POSTN: variants seen among roughly 807,000 people sequenced by gnomAD.
POSTN encodes osteoblast specific factor 2 (fasciclin I-like).
In POSTN, 71 loss-of-function variants were observed where a neutral mutation model predicts 104.5. That is an observed-to-expected ratio of 0.68 (90% CI 0.56 to 0.83). The LOEUF is 0.83. Among genes scored for constraint, POSTN ranks in the 40% least tolerant of loss-of-function variants. The pLI is 0.00. For missense variants in POSTN, 949 were observed against 1,006.8 expected (o/e 0.94, Z 0.78); for synonymous variants, 355 against 340.7 (o/e 1.04, Z -0.46).
chr13:37,570,517 G>T, intron 19 of POSTN, 63 bp downstream of exon 19: 1 of 1,039,298 alleles, frequency 9.6e-7, no homozygotes, highest in Non-Finnish European at 1.5e-6. Context: ...TTATATTTGG[G>T]GATTAACTAT....
intron 3 of POSTN, among the ~76,000 whole-genome samples, chr13:37,591,887 G>A (rs1282016825): frequency 6.6e-6 from 1 of 152,068 alleles, no homozygotes; most frequent in Admixed American, 6.5e-5. Flanking sequence ...TTGTGACTAA[G>A]TTTCTGTTGT....
intron 10 of POSTN, among the ~76,000 whole-genome samples, chr13:37,581,755 T>A (rs948676559): frequency 6.6e-6 from 1 of 152,094 alleles, no homozygotes; most frequent in East Asian, 1.9e-4. Flanking sequence ...AAACCCTTTT[T>A]TAGAGTCCAG....
intron 3 of POSTN, among the ~76,000 whole-genome samples, chr13:37,591,727 T>C (rs1950940081): frequency 6.6e-6 from 1 of 152,102 alleles, no homozygotes. Flanking sequence ...AAACCAAATT[T>C]CAATATAAAG....
At chr13:37,592,298 ATTTTTTC>A (rs1950959731) in intron 2 of POSTN, 134 bp from the exon 3 acceptor site, 2 of 622,784 alleles carry the variant, frequency 3.2e-6, no homozygotes, top group African/African-American at 3.8e-5. Flanking sequence ...TTCCCCCCTG[ATTTTTTC>A]TTTTTTCTTT....
At chr13:37,580,855 C>T (rs567212894) in intron 10 of POSTN, among the ~76,000 whole-genome samples, 158 bp from the exon 11 acceptor site, 1 of 152,260 alleles carries the variant, frequency 6.6e-6, no homozygotes, top group East Asian at 1.9e-4. Context: ...TTCAATGGCT[C>T]ACACAAACTC....
intron 2 of POSTN, among the ~76,000 whole-genome samples, chr13:37,593,422 A>T (rs763141791): frequency 4.0e-5 from 6 of 151,416 alleles, no homozygotes; most frequent in Non-Finnish European, 7.4e-5. Flanking sequence ...ATAGTTACTT[A>T]TGTTTCCTTT....
At chr13:37,570,162 A>C (rs1402447538) in intron 19 of POSTN, among the ~76,000 whole-genome samples, 1 of 151,836 alleles carries the variant, frequency 6.6e-6, no homozygotes, top group East Asian at 1.9e-4. Context: ...TATGAGGTTT[A>C]CTGAAAATAT....
At chr13:37,587,273 C>A (rs1267912872) in intron 5 of POSTN, among the ~76,000 whole-genome samples, 1 of 152,070 alleles carries the variant, frequency 6.6e-6, no homozygotes, top group African/African-American at 2.4e-5. Flanking sequence ...GAAGTCTAAT[C>A]AGTCCTAAAA....
At chr13:37,586,360 C>A in intron 6 of POSTN, 80 bp from the exon 7 acceptor site, 1 of 1,416,294 alleles carries the variant, frequency 7.1e-7, no homozygotes, top group South Asian at 1.4e-5. Context: ...CCTAGGCTGA[C>A]ATGAAGGAGC....
At chr13:37,569,474 T>C (rs1193353688) in intron 20 of POSTN, 91 bp from the exon 21 acceptor site, 8 of 1,039,110 alleles carry the variant, frequency 7.7e-6, no homozygotes, top group Non-Finnish European at 1.2e-5. Flanking sequence ...ATCTGCCCAA[T>C]AATGAATTCC....
chr13:37,576,900 A>G (rs2138236398), intron 16 of POSTN, among the ~76,000 whole-genome samples: 1 of 152,138 alleles, frequency 6.6e-6, no homozygotes, highest in African/African-American at 2.4e-5. Context: ...ATCTTAAGGG[A>G]AATTTTCTTA....
intron 16 of POSTN, 95 bp downstream of exon 16, chr13:37,577,658 C>A: frequency 6.8e-7 from 1 of 1,466,810 alleles, no homozygotes; most frequent in Non-Finnish European, 9.1e-7. Context: ...TTCTAAATAC[C>A]AGATTATCAA....
intron 4 of POSTN, among the ~76,000 whole-genome samples, chr13:37,588,438 C>G (rs563210259): frequency 6.6e-6 from 1 of 152,242 alleles, no homozygotes; most frequent in Non-Finnish European, 1.5e-5. Flanking sequence ...TTTTATCTAT[C>G]CAACACTATG....
At chr13:37,573,648 T>A (rs1461359887) in intron 17 of POSTN, among the ~76,000 whole-genome samples, 1 of 151,568 alleles carries the variant, frequency 6.6e-6, no homozygotes, top group Non-Finnish European at 1.5e-5. Context: ...TCCCAAAGAT[T>A]CCATCAAAGA....
At chr13:37,580,089 G>A in intron 11 of POSTN, 98 bp from the exon 12 acceptor site, 3 of 1,160,642 alleles carry the variant, frequency 2.6e-6, no homozygotes, top group Non-Finnish European at 2.4e-6. Context: ...ATTGTGGAAA[G>A]CATGAGAGAA....
chr13:37,592,410 T>G (rs1306645876), intron 2 of POSTN, among the ~76,000 whole-genome samples: 11 of 152,174 alleles, frequency 7.2e-5, no homozygotes, highest in African/African-American at 2.4e-4. Flanking sequence ...GCCATTCTCC[T>G]GCCTCAACCT....
chr13:37,575,278 CT>C lies in POSTN; in HGVS notation c.2009-627del, dbSNP rs74262878. On this transcript the variant is annotated intron_variant, in intron 16 of 22. Transcript: ENST00000379747. ...AATTTTCAGCTTTGTTATCACTATC[CT>C]TTTTTTTTTTTAATTTAAAGGTATA... 9.5e-3 allele frequency among the ~76,000 whole-genome samples: 1,356 copies of C among 142,314 alleles called. 5 individuals carry two copies. The highest frequency in any genetic ancestry group is 0.018 in the African/African-American group (717 of 39,178). 93.4% of individuals were successfully genotyped at this position (142,314 alleles called of 152,430 possible).
intron 2 of POSTN, among the ~76,000 whole-genome samples, chr13:37,596,801 T>A (rs2985158): frequency 2.6e-5 from 4 of 152,222 alleles, no homozygotes; most frequent in Non-Finnish European, 5.9e-5. Context: ...TCAGTTTGTT[T>A]TTCTGGCCCA....
At chr13:37,583,048 T>C (rs1950642576) in intron 9 of POSTN, among the ~76,000 whole-genome samples, 1 of 152,174 alleles carries the variant, frequency 6.6e-6, no homozygotes, top group Admixed American at 6.5e-5. Flanking sequence ...ATTTAGCATT[T>C]GGAAAAACAA....
Sources: allele counts gnomAD v4.1 joint callset (sites outside exome capture counted in the v4.1 genomes callset), GRCh38; gene constraint gnomAD v4.1.1; transcripts MANE v1.5; gene names NCBI Gene and HGNC (gene_info 2026-07-23, HGNC 2026-07-21).